Variants in ITGA2B observed in about 807,000 individuals in gnomAD.
ITGA2B encodes integrin alpha-IIb.
Under a neutral mutation model 142.0 loss-of-function variants are expected in ITGA2B, and 91 were observed. The observed-to-expected ratio is 0.64, with a 90% CI of 0.54 to 0.76. The LOEUF (loss-of-function observed/expected upper bound fraction) is 0.76. Among genes scored for constraint, ITGA2B ranks in the 30% least tolerant of loss-of-function variants. ITGA2B has a pLI of 0.00. For missense variants in ITGA2B, 1,231 were observed against 1,350.8 expected, an observed-to-expected ratio of 0.91 and a Z score of 1.39; for synonymous variants, 536 against 567.2, an observed-to-expected ratio of 0.94 and a Z score of 0.78.
chr17:44,387,687 T>TGG, intron 1 of ITGA2B, among the ~76,000 whole-genome samples: 1 of 150,482 alleles, frequency 6.6e-6, no homozygotes, highest in South Asian at 2.1e-4. Flanking sequence ...TAGCCGGGTG[T>TGG]GGTGGCACAT....
intron 29 of ITGA2B, 129 bp from the exon 30 acceptor site, chr17:44,372,552 C>T: frequency 1.4e-6 from 1 of 709,410 alleles, no homozygotes. Context: ...ACTGTACTCA[C>T]AAATGGATGC....
chr17:44,377,181 T>A, intron 21 of ITGA2B, 93 bp from the exon 22 acceptor site: 1 of 870,188 alleles, frequency 1.1e-6, no homozygotes, highest in Non-Finnish European at 1.8e-6. Flanking sequence ...CCCTCCAAGA[T>A]CACCACTATT....
In ITGA2B at chr17:44,375,931, G is replaced by C. The variant is rs758437731; in HGVS notation, c.2503C>G (p.Pro835Ala). Reference sequence around the variant, plus strand: ...AGGTCGGAGGGCTGGGACTGTCCCGGAAGGTGGATGCTGAGGTGAAGACCA... The same window carrying C: ...AGGTCGGAGGGCTGGGACTGTCCCGCAAGGTGGATGCTGAGGTGAAGACCA... ...VNGLHLSIHL[P>A]GQSQPSDLLY... Residue 835 changes from proline (P) to alanine (A), a missense_variant, in exon 25 of 30, where the codon CCG becomes GCG. By Grantham distance (27) the Pro-to-Ala change is conservative (BLOSUM62 -1). Coordinates refer to ENST00000262407, the MANE Select transcript of ITGA2B (RefSeq NM_000419.5). 2 of 1,614,042 alleles carry C rather than the reference G, an allele frequency of 1.2e-6. No individual in the cohort carries two copies. The highest frequency in any genetic ancestry group is 1.7e-6 in the Non-Finnish European group (2 of 1,180,014).
rs1302914322 is a variant in ITGA2B at position 44,374,441 on chromosome 17, C to T, written c.2973G>A (p.Glu991=). 1 of 1,614,190 alleles carries T rather than the reference C, an allele frequency of 6.2e-7. No homozygotes were observed. Among genetic ancestry groups the T allele is most frequent in the Admixed American group, 1.7e-5 (1 of 60,026 alleles). The change falls in exon 29 of 30, where the codon GAG becomes GAA. Residue 991 remains glutamate, a synonymous_variant. Transcript: ENST00000262407. The part of the protein sequence containing the change: ...QVWTQLLRAL[E]ERAIPIWWVL... ...CCCACCAGATTGGAATGGCCCTCTC[C>T]TCCAAGGCCCGGAGCAGCTGTGTCC...
intron 18 of ITGA2B, 92 bp downstream of exon 18, chr17:44,379,597 T>C: frequency 6.3e-7 from 1 of 1,591,252 alleles, no homozygotes; most frequent in Non-Finnish European, 8.6e-7. Context: ...CATCAAGGTT[T>C]TGGGGTTCAC....
At position 44,389,451 on chromosome 17, in the gene ITGA2B, A is replaced by T; in HGVS notation, c.23T>A (p.Leu8Gln). ...CCACTCCAGAAGCCAGAGGGCTTGC[A>T]GTGGACACAAAGCTCTGGCCATCTT... MARALCP[L>Q]QALWLLEWVL... is the part of the protein sequence containing the mutation. The change falls in exon 1 of 30, where the codon CTG becomes CAG. Residue 8 changes from leucine (L) to glutamine (Q), a missense_variant. Leu to Gln is a moderately radical substitution (Grantham distance 113). Transcript: ENST00000262407. The T allele has an allele frequency of 2.5e-6, 4 of 1,613,850 alleles. No homozygotes were observed. Among genetic ancestry groups the T allele is most frequent in the Non-Finnish European group, 3.4e-6 (4 of 1,179,974 alleles).
At chr17:44,378,337 A>C (rs2048562677) in intron 20 of ITGA2B, 25 bp downstream of exon 20, 3 of 1,602,666 alleles carry the variant, frequency 1.9e-6, no homozygotes, top group Non-Finnish European at 2.6e-6. Context: ...GGTCCCGGGT[A>C]CTGTTCCCAG....
intron 8 of ITGA2B, 22 bp from the exon 9 acceptor site, chr17:44,384,376 C>A (rs950269723): frequency 1.2e-5 from 19 of 1,613,798 alleles, no homozygotes; most frequent in Non-Finnish European, 1.6e-5. Context: ...GAGAGCCAGG[C>A]TCAGGGAATG....
At chr17:44,388,329 T>C (rs1321723709) in intron 1 of ITGA2B, among the ~76,000 whole-genome samples, 2 of 151,014 alleles carry the variant, frequency 1.3e-5, no homozygotes, top group Non-Finnish European at 2.9e-5. Flanking sequence ...TTAGGACATG[T>C]GCTCCTCTCC....
At chr17:44,374,569 G>A (rs1043914058) in intron 28 of ITGA2B, 90 bp downstream of exon 28, 34 of 1,509,438 alleles carry the variant, frequency 2.3e-5, no homozygotes, top group African/African-American at 2.7e-5. Flanking sequence ...CCACCCACCC[G>A]TACCACCCCT....
At chr17:44,380,578 C>G (rs750052910) in intron 14 of ITGA2B, 22 bp downstream of exon 14, 17 of 1,614,194 alleles carry the variant, frequency 1.1e-5, no homozygotes, top group Admixed American at 1.7e-5. Flanking sequence ...TTCCCCATCC[C>G]GCCCCTGGAG....
rs2048564543 is a variant in ITGA2B at position 44,378,458 on chromosome 17, C to T, written c.1998G>A (p.Met666Ile). 4 of 1,613,690 alleles carry T rather than the reference C, an allele frequency of 2.5e-6. No homozygotes were observed. Among genetic ancestry groups the T allele is most frequent in the Non-Finnish European group, 3.4e-6 (4 of 1,179,924 alleles). Residue 666 changes from methionine to isoleucine, a missense_variant, in exon 20 of 30, where the codon ATG becomes ATA. This residue lies in a region of ITGA2B where 908 missense variants were observed against 1,021.1 expected (regional missense o/e 0.89). Coordinates refer to ENST00000262407, the MANE Select transcript of ITGA2B (RefSeq NM_000419.5). Reference sequence around the variant, plus strand: ...CCCCCTCGCCCTCGTTGGCTGCGTCCATCTGCAGCTCCAGGACATTATCTG... The same window carrying T: ...CCCCCTCGCCCTCGTTGGCTGCGTCTATCTGCAGCTCCAGGACATTATCTG... ...VGADNVLELQ[M>I]DAANEGEGAY...
rs755482189 is a variant in ITGA2B, at chr17:44,377,059, C to T, written c.2217G>A (p.Gly739=). 5 of 1,590,358 alleles carry T rather than the reference C, an allele frequency of 3.1e-6. No homozygotes were observed. The South Asian group carries it at 3.4e-5, about 11-fold the overall frequency. Residue 739 remains glycine (G), a synonymous_variant, in exon 22 of 30, where the codon GGG becomes GGA. Coordinates refer to ENST00000262407, the MANE Select transcript of ITGA2B (RefSeq NM_000419.5). ...QIGIAMLVSV[G]NLEEAGESVS... ...CAGACTCCCCAGCCTCTTCCAGATT[C>T]CCCACGCTCACCAACATCGCGATTC...
chr17:44,386,460 C>T (rs2048650389), intron 1 of ITGA2B, among the ~76,000 whole-genome samples: 1 of 152,186 alleles, frequency 6.6e-6, no homozygotes, highest in Non-Finnish European at 1.5e-5. Context: ...ATCCTTCCAC[C>T]CGCAACAAGA....
chr17:44,388,514 G>A (rs1214034447), intron 1 of ITGA2B, among the ~76,000 whole-genome samples: 3 of 150,016 alleles, frequency 2.0e-5, no homozygotes, highest in African/African-American at 7.4e-5. Flanking sequence ...GCGGCACCAC[G>A]CCCGGCTAAT....
In ITGA2B at chr17:44,380,117, G is replaced by A. The variant is rs771413789; in HGVS notation, c.1637C>T (p.Pro546Leu). The change falls in exon 17 of 30, where the codon CCC becomes CTC. Residue 546 changes from proline to leucine, a missense_variant. By Grantham distance (98) the Pro-to-Leu change is moderately conservative. Around this residue, in one of 3 missense-constraint regions of ITGA2B, gnomAD observed 908 missense variants for 1,021.1 expected, o/e 0.89. Transcript: ENST00000262407. ...NAELQLDRQK[P>L]RQGRRVLLLG... Reference sequence around the variant, plus strand: ...CAGCAGCACCCGCCGGCCCTGGCGGGGCTTCTGCCGGTCCAGCTGCAGCTC... The same window carrying A: ...CAGCAGCACCCGCCGGCCCTGGCGGAGCTTCTGCCGGTCCAGCTGCAGCTC... The A allele has an allele frequency of 3.1e-6, 5 of 1,613,810 alleles. No homozygotes were observed. Among genetic ancestry groups the A allele is most frequent in the Non-Finnish European group, 4.2e-6 (5 of 1,179,970 alleles).
chr17:44,375,755 C>T (rs754841896), intron 25 of ITGA2B, 39 bp from the exon 26 acceptor site: 2 of 1,557,620 alleles, frequency 1.3e-6, no homozygotes, highest in Admixed American at 2.0e-5. Flanking sequence ...AGGTCTCCCC[C>T]GAACCCCAGC....
intron 27 of ITGA2B, 42 bp downstream of exon 27, chr17:44,374,956 C>T (rs2521613): frequency 2.0e-6 from 3 of 1,480,754 alleles, no homozygotes; most frequent in Non-Finnish European, 2.7e-6. Context: ...AAGTGGTCCC[C>T]GCCCAGAAGG....
intron 21 of ITGA2B, 119 bp downstream of exon 21, chr17:44,377,579 A>G: frequency 1.3e-6 from 1 of 744,812 alleles, no homozygotes. Flanking sequence ...ACATGTGGCA[A>G]GGGAGTGTGA....
Sources: allele counts gnomAD v4.1 joint callset (sites outside exome capture counted in the v4.1 genomes callset), GRCh38; gene constraint gnomAD v4.1.1; regional missense constraint gnomAD v4.1.1; transcripts MANE v1.5; gene names NCBI Gene and HGNC (gene_info 2026-07-23, HGNC 2026-07-21).